The following ERCC1 variants were observed in gnomAD, a reference collection of about 807,000 sequenced individuals.
ERCC1 encodes the protein DNA excision repair protein ERCC-1.
Under a neutral mutation model 37.6 loss-of-function variants are expected in ERCC1, and 36 were observed. That is an observed-to-expected ratio of 0.96 (90% CI 0.73 to 1.26). ERCC1 has a LOEUF of 1.26. Among genes scored for constraint, ERCC1 ranks in the 50% most tolerant of loss-of-function variants. The pLI, the probability that ERCC1 is intolerant of heterozygous loss-of-function variation, is 0.00. For synonymous variants in ERCC1, 156 were observed against 162.1 expected, an observed-to-expected ratio of 0.96 and a Z score of 0.28; for missense variants, 349 against 376.5, an observed-to-expected ratio of 0.93 and a Z score of 0.60.
chr19:45,421,016 C>T (rs968626595), intron 3 of ERCC1, among the ~76,000 whole-genome samples, 162 bp downstream of exon 3: 3 of 152,188 alleles, frequency 2.0e-5, no homozygotes, highest in Non-Finnish European at 4.4e-5. Flanking sequence ...AGAGCTGGGG[C>T]ACTCTCAACC....
chr19:45,411,346 T>C (rs1277181345), intron 9 of ERCC1, among the ~76,000 whole-genome samples: 1 of 152,192 alleles, frequency 6.6e-6, no homozygotes, highest in Non-Finnish European at 1.5e-5. Flanking sequence ...ACCTCAACTT[T>C]TCAGTTTTTA....
At chr19:45,418,304 G>C (rs1337275585) in intron 5 of ERCC1, among the ~76,000 whole-genome samples, 2 of 151,890 alleles carry the variant, frequency 1.3e-5, no homozygotes, top group African/African-American at 4.8e-5. Context: ...AGCCAAGATT[G>C]CACCACTACA....
rs771033441 is a variant in ERCC1, at chr19:45,408,407, C to G, written c.*1268G>C. 1 of 1,613,418 alleles carries G rather than the reference C, an allele frequency of 6.2e-7. No individual in the cohort carries two copies. Among genetic ancestry groups the G allele is most frequent in the Non-Finnish European group, 8.5e-7 (1 of 1,179,732 alleles). On this transcript the variant is annotated 3_prime_UTR_variant, in exon 10 of 10. Transcript: ENST00000300853. ...ACCACAGATCCCTCCTGGCCTGAGG[C>G]CTCGGTTCTGTGCCTTTGGGGGCAA...
At chr19:45,434,637 G>C (rs961180514) in intron 1 of ERCC1, among the ~76,000 whole-genome samples, 2 of 152,146 alleles carry the variant, frequency 1.3e-5, no homozygotes, top group Non-Finnish European at 2.9e-5. Context: ...CCAGGCTGGA[G>C]TGCAGTGGTA....
At chr19:45,410,196 ATTTT>A (rs1386871898) in intron 9 of ERCC1, 1 of 140,262 alleles carries the variant, frequency 7.1e-6, no homozygotes, top group East Asian at 2.2e-4. Context: ...AGTTATTATT[ATTTT>A]TTTGAGACAG....
At chr19:45,445,007 ATTT>A (rs967444492) in intron 1 of ERCC1, among the ~76,000 whole-genome samples, 48 of 152,046 alleles carry the variant, frequency 3.2e-4, no homozygotes, top group African/African-American at 9.9e-4. Context: ...CATTCAACCG[ATTT>A]TTTGTTGTTG....
In ERCC1 at chr19:45,408,898, G is replaced by A; in HGVS notation, c.*777C>T. ...AGGAGGGGGTGACAGTTGAGTCTCA[G>A]CCACAGGTGAAGGTGGAGCCACTGG... is the stretch of plus-strand genomic sequence containing the variant. On this transcript the variant is annotated 3_prime_UTR_variant, in exon 10 of 10. Coordinates refer to ENST00000300853, the MANE Select transcript of ERCC1 (RefSeq NM_001983.4). 6.2e-7 allele frequency: 1 copy of A among 1,614,162 alleles called. No homozygotes were observed. Among genetic ancestry groups the A allele is most frequent in the East Asian group, 2.2e-5 (1 of 44,884 alleles).
At chr19:45,426,992 G>C (rs558802037), upstream of ERCC1, among the ~76,000 whole-genome samples, 3 of 146,740 alleles carry the variant, frequency 2.0e-5, no homozygotes, top group East Asian at 4.1e-4. Context: ...AGCTATGTGT[G>C]TTGGTGTGCA....
chr19:45,438,999 C>T (rs1975050926), intron 1 of ERCC1, among the ~76,000 whole-genome samples: 1 of 152,062 alleles, frequency 6.6e-6, no homozygotes, highest in Non-Finnish European at 1.5e-5. Flanking sequence ...TCTCTCTGTT[C>T]TTCCTCTCCC....
chr19:45,433,981 G>T (rs12979165), intron 1 of ERCC1, among the ~76,000 whole-genome samples: 1 of 150,586 alleles, frequency 6.6e-6, no homozygotes, highest in Non-Finnish European at 1.5e-5. Context: ...AAAAATACAC[G>T]CACACAAAAA....
chr19:45,450,324 T>G (rs1028990023), intron 1 of ERCC1, among the ~76,000 whole-genome samples: 2 of 152,160 alleles, frequency 1.3e-5, no homozygotes, highest in African/African-American at 4.8e-5. Flanking sequence ...GCCTTATATC[T>G]TTTCTCTTCC....
At chr19:45,429,108 G>T (rs1974774121) in intron 1 of ERCC1, 1 of 152,248 alleles carries the variant, frequency 6.6e-6, no homozygotes, top group Admixed American at 6.6e-5. Flanking sequence ...GCAAAGGAAA[G>T]ATCTGCAGCA....
chr19:45,407,605 G>A lies in ERCC1; in HGVS notation c.*2070C>T, dbSNP rs1973423862. On this transcript the variant is annotated 3_prime_UTR_variant, in exon 10 of 10. Coordinates refer to ENST00000300853, the MANE Select transcript of ERCC1 (RefSeq NM_001983.4). ...CATTCTTAGGACATTTGGACATTCT[G>A]CAGGCTTGGTGGAACATGTTCTGTA... The A allele has an allele frequency of 6.9e-6, 2 of 289,314 alleles. No individual in the cohort carries two copies. Among genetic ancestry groups the A allele is most frequent in the East Asian group, 5.9e-5 (1 of 16,820 alleles). 17.9% of individuals were successfully genotyped at this position (289,314 alleles called of 1,614,324 possible).
At chr19:45,449,278 C>A (rs1275122933) in intron 1 of ERCC1, 1 of 152,194 alleles carries the variant, frequency 6.6e-6, no homozygotes, top group East Asian at 1.9e-4. Flanking sequence ...AATAAAAACA[C>A]CTCTAGTAAT....
chr19:45,424,938 T>C (rs1010978112), upstream of ERCC1, among the ~76,000 whole-genome samples: 9 of 150,408 alleles, frequency 6.0e-5, no homozygotes, highest in African/African-American at 7.3e-5. Context: ...TTTTTTTTTT[T>C]CGAGACGGAG....
intron 1 of ERCC1, among the ~76,000 whole-genome samples, chr19:45,442,029 C>T (rs998507811): frequency 4.6e-5 from 7 of 151,150 alleles, no homozygotes; most frequent in African/African-American, 1.7e-4. Context: ...GTTTAGAGGC[C>T]AGGTGCGGTG....
At chr19:45,443,384 T>C (rs1318559894) in intron 1 of ERCC1, among the ~76,000 whole-genome samples, 1 of 152,148 alleles carries the variant, frequency 6.6e-6, no homozygotes, top group Non-Finnish European at 1.5e-5. Flanking sequence ...TGGGACTCAG[T>C]TTACCCTCGC....
chr19:45,412,915 A>G (rs2123462098), intron 9 of ERCC1, among the ~76,000 whole-genome samples: 1 of 151,466 alleles, frequency 6.6e-6, no homozygotes. Flanking sequence ...ACTTTTTTGT[A>G]TTTTTAGTAA....
rs1599830993 is a variant in ERCC1 at position 45,419,091 on chromosome 19, T to C, written c.525+7A>G. 3.8e-6 allele frequency: 6 copies of C among 1,560,014 alleles called. No homozygotes were observed. The highest frequency in any genetic ancestry group is 5.2e-6 in the Non-Finnish European group (6 of 1,149,784). ...GTGAGGCTGGCTAGGGAGCAGCCCC[T>C]GCTTACCACATCCACCTGGACAAGC... On this transcript the variant is annotated splice_region_variant and intron_variant, in intron 5 of 9. Coordinates refer to ENST00000300853, the MANE Select transcript of ERCC1 (RefSeq NM_001983.4).
Sources: allele counts gnomAD v4.1 joint callset (sites outside exome capture counted in the v4.1 genomes callset), GRCh38; gene constraint gnomAD v4.1.1; transcripts MANE v1.5; gene names NCBI Gene and HGNC (gene_info 2026-07-23, HGNC 2026-07-21).